NEGR1: variants seen among roughly 807,000 people sequenced by gnomAD.
NEGR1 encodes the protein neuronal growth regulator 1, also known as IgLON family member 4.
NEGR1 carries 10 observed loss-of-function variants against 40.9 expected under a neutral mutation model. The ratio of observed to expected loss-of-function variants is 0.24; its 90% CI spans 0.15 to 0.42. NEGR1 has a LOEUF of 0.42. Among genes scored for constraint, NEGR1 ranks in the 10% least tolerant of loss-of-function variants. The probability of loss-of-function intolerance (pLI) is 1.00; values close to 1 mark genes in which losing one functional copy is unlikely to be tolerated. For missense variants in NEGR1, 352 were observed against 438.9 expected (o/e 0.80, Z 1.77); for synonymous variants, 185 against 166.8 (o/e 1.11, Z -0.84).
At chr1:72,242,077 T>A (rs1166516097) in intron 1 of NEGR1, among the ~76,000 whole-genome samples, 1 of 151,760 alleles carries the variant, frequency 6.6e-6, no homozygotes, top group Admixed American at 6.6e-5. Flanking sequence ...AAGGAGGTGA[T>A]GACAAATACA....
At chr1:71,759,525 C>A (rs1350651005) in intron 3 of NEGR1, among the ~76,000 whole-genome samples, 3 of 149,408 alleles carry the variant, frequency 2.0e-5, no homozygotes, top group African/African-American at 7.4e-5. Context: ...TCTTGATCTC[C>A]TGATCTCGCG....
chr1:71,880,933 G>A (rs1161895462), intron 2 of NEGR1, among the ~76,000 whole-genome samples: 2 of 151,964 alleles, frequency 1.3e-5, no homozygotes, highest in Non-Finnish European at 2.9e-5. Flanking sequence ...GAAGTTTCAC[G>A]AGAATGATAG....
At chr1:71,737,429 A>T (rs542359301) in intron 3 of NEGR1, among the ~76,000 whole-genome samples, 85 of 152,080 alleles carry the variant, frequency 5.6e-4, no homozygotes, top group Middle Eastern at 6.8e-3. Context: ...AATGGAGATT[A>T]AGATGTAGAC....
chr1:71,847,715 C>T (rs1417563562), intron 2 of NEGR1, among the ~76,000 whole-genome samples: 2 of 152,120 alleles, frequency 1.3e-5, no homozygotes, highest in African/African-American at 4.8e-5. Context: ...GAAATTAGGC[C>T]ACTTAATACC....
chr1:71,928,463 T>TATATATACACACATATGTATATATACAC (rs1332226901), intron 2 of NEGR1, among the ~76,000 whole-genome samples: 1 of 110,070 alleles, frequency 9.1e-6, no homozygotes, highest in Non-Finnish European at 1.9e-5. Context: ...TATACACACA[T>TATATATACACACATATGTATATATACAC]ACTTATATAT....
intron 1 of NEGR1, among the ~76,000 whole-genome samples, chr1:72,003,582 C>G (rs1646576738): frequency 6.6e-6 from 1 of 151,294 alleles, no homozygotes. Flanking sequence ...ATGGAGGAAT[C>G]TAGGAAGTTA....
At chr1:71,688,908 A>G (rs1463495637) in intron 4 of NEGR1, among the ~76,000 whole-genome samples, 1 of 152,118 alleles carries the variant, frequency 6.6e-6, no homozygotes, top group African/African-American at 2.4e-5. Flanking sequence ...GTTTTTTTAT[A>G]TAGGAAAGCT....
At position 71,879,236 on chromosome 1, in the gene NEGR1, A is replaced by T. The variant is rs74688796; in HGVS notation, c.409+55843T>A. 2.0e-5 allele frequency among the ~76,000 whole-genome samples: 3 copies of T among 152,254 alleles called. No individual in the cohort carries two copies. In the East Asian group the frequency reaches 5.8e-4, roughly 29 times the overall value. On this transcript the variant is annotated intron_variant, in intron 2 of 6. Transcript: ENST00000357731. ...TGTAAAGGATCATGCATAGGGAGAG[A>T]TATTTCTTTTTGTTTGTGCCTTAGA...
At chr1:71,638,429 G>T (rs1309240319) in intron 4 of NEGR1, among the ~76,000 whole-genome samples, 1 of 152,006 alleles carries the variant, frequency 6.6e-6, no homozygotes, top group East Asian at 1.9e-4. Context: ...AAAGATTAGA[G>T]AATATAAAAA....
chr1:71,874,501 A>G (rs930870560), intron 2 of NEGR1, among the ~76,000 whole-genome samples: 1 of 152,148 alleles, frequency 6.6e-6, no homozygotes, highest in African/African-American at 2.4e-5. Flanking sequence ...TTCCACAGCC[A>G]TTCATTCTCA....
chr1:72,207,002 C>T (rs1053439310), intron 1 of NEGR1, among the ~76,000 whole-genome samples: 1 of 146,626 alleles, frequency 6.8e-6, no homozygotes, highest in Non-Finnish European at 1.5e-5. Context: ...ATATTAGAGA[C>T]ATAAGTTATT....
In NEGR1 at chr1:71,415,042, C is replaced by A. The variant is rs192979011; in HGVS notation, c.941-7472G>T. On this transcript the variant is annotated intron_variant, in intron 6 of 6. Coordinates refer to ENST00000357731, the MANE Select transcript of NEGR1 (RefSeq NM_173808.3). Reference sequence around the variant, plus strand: ...TCTTCTTTAGAAGAAGTCAGGCAAACAAGTGCACACTGGTGTTCTTTTCTT... The same window carrying A: ...TCTTCTTTAGAAGAAGTCAGGCAAAAAAGTGCACACTGGTGTTCTTTTCTT... 4.8e-3 allele frequency among the ~76,000 whole-genome samples: 723 copies of A among 152,136 alleles called. 3 individuals carry two copies. The highest frequency in any genetic ancestry group is 7.9e-3 in the Non-Finnish European group (539 of 67,992).
intron 1 of NEGR1, among the ~76,000 whole-genome samples, chr1:72,109,392 A>C (rs1465004804): frequency 6.6e-6 from 1 of 151,688 alleles, no homozygotes; most frequent in Non-Finnish European, 1.5e-5. Flanking sequence ...TAAACATGTG[A>C]TAAGTACAAC....
chr1:71,478,367 G>GA (rs1646834880), intron 6 of NEGR1, among the ~76,000 whole-genome samples: 1 of 152,020 alleles, frequency 6.6e-6, no homozygotes, highest in Non-Finnish European at 1.5e-5. Context: ...AGCCTCATGA[G>GA]AAGCAGTTCA....
rs535994884 is a variant in NEGR1, at chr1:71,733,306, T to TTGCTCAGATTGTTTCTG, written c.536-35184_536-35168dup. Among the ~76,000 whole-genome samples the TTGCTCAGATTGTTTCTG allele has an allele frequency of 1.8e-3, 268 of 152,270 alleles. 2 individuals carry two copies. The highest frequency in any genetic ancestry group is 6.3e-3 in the African/African-American group (261 of 41,544). On this transcript the variant is annotated intron_variant, in intron 3 of 6. Coordinates refer to ENST00000357731, the MANE Select transcript of NEGR1 (RefSeq NM_173808.3). Reference sequence around the variant, plus strand: ...TCAGTGAGGGTTTTGAGGGTGGGCGTTGCTCAGATTGTTTCTGTGGGAATA... The same window carrying TTGCTCAGATTGTTTCTG: ...TCAGTGAGGGTTTTGAGGGTGGGCGTTGCTCAGATTGTTTCTGTGCTCAGATTGTTTCTGTGGGAATA...
At chr1:71,790,489 G>A (rs1657076546) in intron 2 of NEGR1, among the ~76,000 whole-genome samples, 2 of 152,006 alleles carry the variant, frequency 1.3e-5, no homozygotes, top group East Asian at 3.9e-4. Flanking sequence ...ACTACGTTAG[G>A]ACACTGATGA....
chr1:72,124,177 T>C (rs919675645), intron 1 of NEGR1, among the ~76,000 whole-genome samples: 3 of 152,008 alleles, frequency 2.0e-5, no homozygotes, highest in African/African-American at 4.8e-5. Flanking sequence ...TAAGAGTATT[T>C]CCAAGCCATC....
intron 3 of NEGR1, among the ~76,000 whole-genome samples, chr1:71,764,271 A>T (rs988324269): frequency 7.9e-5 from 12 of 152,348 alleles, no homozygotes; most frequent in African/African-American, 2.9e-4. Context: ...CAAATTTCTA[A>T]CTTGACTAGT....
intron 2 of NEGR1, among the ~76,000 whole-genome samples, chr1:71,871,781 T>C (rs1660285695): frequency 6.6e-6 from 1 of 152,178 alleles, no homozygotes; most frequent in African/African-American, 2.4e-5. Context: ...CAGAAGAAAC[T>C]TAACTCTCTG....
Sources: gnomAD v4.1 joint callset for allele counts (sites outside exome capture counted in the v4.1 genomes callset) on GRCh38, gnomAD v4.1.1 for gene constraint, MANE v1.5 for transcripts, NCBI Gene and HGNC (gene_info 2026-07-23, HGNC 2026-07-21) for gene names.